MTUS2: variants seen among roughly 807,000 people sequenced by gnomAD.
MTUS2 encodes the protein microtubule-associated tumor suppressor candidate 2.
In MTUS2, 40 loss-of-function variants were observed where a neutral mutation model predicts 114.1. That is an observed-to-expected ratio of 0.35 (90% CI 0.27 to 0.46). The LOEUF is 0.46. Among genes scored for constraint, MTUS2 ranks in the 20% least tolerant of loss-of-function variants. The pLI is 1.00. For missense variants in MTUS2, 1,679 were observed against 1,705.4 expected (o/e 0.98, Z 0.27); for synonymous variants, 688 against 672.0 (o/e 1.02, Z -0.37).
intron 4 of MTUS2, among the ~76,000 whole-genome samples, chr13:29,087,570 A>T (rs1889747242): frequency 6.6e-6 from 1 of 151,750 alleles, no homozygotes; most frequent in Admixed American, 6.6e-5. Context: ...TTCTTTTTTC[A>T]TGTGTCTCTG....
At chr13:28,911,691 G>A (rs1020668946) in intron 2 of MTUS2, among the ~76,000 whole-genome samples, 1 of 151,724 alleles carries the variant, frequency 6.6e-6, no homozygotes, top group Non-Finnish European at 1.5e-5. Flanking sequence ...TTTAATAATT[G>A]TCATTCTGAC....
intron 3 of MTUS2, among the ~76,000 whole-genome samples, chr13:29,027,378 G>A (rs542963292): frequency 6.6e-6 from 1 of 152,238 alleles, no homozygotes; most frequent in Non-Finnish European, 1.5e-5. Context: ...GGTGTGTTAG[G>A]CATGGACTCT....
At chr13:28,941,678 G>C (rs1347713766) in intron 2 of MTUS2, among the ~76,000 whole-genome samples, 1 of 152,088 alleles carries the variant, frequency 6.6e-6, no homozygotes, top group African/African-American at 2.4e-5. Flanking sequence ...GTTAGAAAAG[G>C]AGGACTATTT....
intron 5 of MTUS2, among the ~76,000 whole-genome samples, chr13:29,267,110 A>G (rs1270252805): frequency 6.6e-6 from 1 of 152,194 alleles, no homozygotes; most frequent in Admixed American, 6.5e-5. Flanking sequence ...GGTGCCCATC[A>G]CAGGAGCAGA....
chr13:28,949,136 C>A (rs1882683752), intron 2 of MTUS2, among the ~76,000 whole-genome samples: 1 of 152,118 alleles, frequency 6.6e-6, no homozygotes, highest in African/African-American at 2.4e-5. Context: ...GAAAGGGATT[C>A]TTTTGCTCAT....
intron 8 of MTUS2, among the ~76,000 whole-genome samples, chr13:29,378,209 A>C (rs1566165522): frequency 6.6e-6 from 1 of 152,266 alleles, no homozygotes; most frequent in East Asian, 1.9e-4. Flanking sequence ...ATGTGTTTAC[A>C]TTTATAGCCC....
chr13:29,296,738 A>G (rs967894467), intron 6 of MTUS2, among the ~76,000 whole-genome samples: 2 of 151,996 alleles, frequency 1.3e-5, no homozygotes, highest in East Asian at 1.9e-4. Flanking sequence ...GGCCATTTGT[A>G]TATCTTTTCT....
At chr13:29,432,122 G>T (rs1183148142) in intron 8 of MTUS2, among the ~76,000 whole-genome samples, 1 of 151,332 alleles carries the variant, frequency 6.6e-6, no homozygotes. Context: ...CAAAATGTTG[G>T]GATAATAGGT....
intron 8 of MTUS2, among the ~76,000 whole-genome samples, chr13:29,373,129 C>G (rs1566161332): frequency 6.6e-6 from 1 of 152,120 alleles, no homozygotes; most frequent in East Asian, 1.9e-4. Flanking sequence ...AGGTCTGACT[C>G]GAGAAGTGGG....
Position 28,850,990 on chromosome 13 carries a change from G to C in MTUS2, c.-243+11140G>C, listed in dbSNP as rs933747419. ...TGAGTGTATCTCTCGTTTGCCAGAA[G>C]GGAGGGGAATATCGCTGTTAAATGA... is the stretch of plus-strand genomic sequence containing the variant. On this transcript the variant is annotated intron_variant, in intron 2 of 15. Transcript: ENST00000612955. Among the ~76,000 whole-genome samples the C allele has an allele frequency of 5.3e-5, 8 of 152,180 alleles. No homozygotes were observed. The South Asian group carries it at 1.7e-3, about 31-fold the overall frequency.
In MTUS2 at chr13:29,224,791, C is replaced by T. The variant is rs563079048; in HGVS notation, c.2645-56913C>T. On this transcript the variant is annotated intron_variant, in intron 5 of 15. Coordinates refer to ENST00000612955, the MANE Select transcript of MTUS2 (RefSeq NM_001033602.4). Reference sequence around the variant, plus strand: ...GTTGCTACTGTTTCTCTTTTTCCCACAATATTTGCCCTCCCTATTTAGTGG... The same window carrying T: ...GTTGCTACTGTTTCTCTTTTTCCCATAATATTTGCCCTCCCTATTTAGTGG... 1.5e-4 allele frequency among the ~76,000 whole-genome samples: 23 copies of T among 150,190 alleles called. No homozygotes were observed. The South Asian group carries it at 4.6e-3, about 30-fold the overall frequency.
chr13:28,822,983 GCA>G (rs1253077341), intron 1 of MTUS2, among the ~76,000 whole-genome samples: 1 of 152,210 alleles, frequency 6.6e-6, no homozygotes, highest in Non-Finnish European at 1.5e-5. Flanking sequence ...CCTCGTGATC[GCA>G]CACACATGGG....
intron 2 of MTUS2, among the ~76,000 whole-genome samples, chr13:28,877,068 G>A (rs1377324276): frequency 4.0e-5 from 6 of 150,996 alleles, no homozygotes; most frequent in Admixed American, 2.0e-4. Context: ...CGAGGTGGGC[G>A]GATCACGAGG....
intron 7 of MTUS2, among the ~76,000 whole-genome samples, chr13:29,350,695 T>A (rs1205253209): frequency 3.3e-5 from 5 of 151,928 alleles, no homozygotes; most frequent in East Asian, 3.9e-4. Flanking sequence ...AACAACAGAT[T>A]TTTTTTCTCA....
At chr13:29,486,011 A>G (rs1020851191) in intron 10 of MTUS2, among the ~76,000 whole-genome samples, 3 of 152,184 alleles carry the variant, frequency 2.0e-5, no homozygotes, top group Non-Finnish European at 2.9e-5. Context: ...AAGAAAAGAT[A>G]TTTCCTTTTT....
intron 5 of MTUS2, among the ~76,000 whole-genome samples, chr13:29,119,454 A>G (rs189939707): frequency 5.3e-4 from 81 of 152,308 alleles, no homozygotes; most frequent in African/African-American, 3.1e-4. Context: ...AAGTTTTCAT[A>G]TATTCTTTTA....
At chr13:29,107,032 A>G (rs562173577) in intron 5 of MTUS2, among the ~76,000 whole-genome samples, 1 of 151,906 alleles carries the variant, frequency 6.6e-6, no homozygotes, top group East Asian at 1.9e-4. Context: ...TAAACCATTC[A>G]TCTCTGGAAT....
intron 8 of MTUS2, among the ~76,000 whole-genome samples, chr13:29,424,672 T>C (rs116642185): frequency 0.019 from 2,826 of 152,300 alleles, 89 homozygotes; most frequent in African/African-American, 0.064. Context: ...ATCCCCAAAA[T>C]TGAACTTGAA....
At chr13:29,254,669 T>C (rs1020237199) in intron 5 of MTUS2, among the ~76,000 whole-genome samples, 1 of 152,220 alleles carries the variant, frequency 6.6e-6, no homozygotes, top group Non-Finnish European at 1.5e-5. Context: ...AAAAGTAAGC[T>C]CCTCTCCCAT....
Sources: gnomAD v4.1 joint callset for allele counts (sites outside exome capture counted in the v4.1 genomes callset) on GRCh38, gnomAD v4.1.1 for gene constraint, MANE v1.5 for transcripts, NCBI Gene and HGNC (gene_info 2026-07-23, HGNC 2026-07-21) for gene names.